Variants in ASTN1 observed in about 807,000 individuals in gnomAD.
ASTN1 encodes astrotactin 1.
In ASTN1, 41 loss-of-function variants were observed where a neutral mutation model predicts 140.7. The observed-to-expected ratio is 0.29, with a 90% CI of 0.23 to 0.38. The LOEUF (loss-of-function observed/expected upper bound fraction) is 0.38. Ranked by LOEUF, ASTN1 falls within the 10% of genes least tolerant of loss-of-function variation. The pLI is 1.00. For synonymous variants in ASTN1, 640 were observed against 652.2 expected (o/e 0.98, Z 0.29); for missense variants, 1,479 against 1,678.8 (o/e 0.88, Z 2.08).
intron 16 of ASTN1, among the ~76,000 whole-genome samples, chr1:176,904,830 G>A (rs186648144): frequency 3.3e-5 from 5 of 152,240 alleles, no homozygotes. Context: ...AGCGTGCTGA[G>A]GAAGGGGCGC....
chr1:177,040,944 A>AT (rs1325528074), intron 2 of ASTN1, among the ~76,000 whole-genome samples: 4 of 151,976 alleles, frequency 2.6e-5, no homozygotes, highest in Admixed American at 1.3e-4. Context: ...CGTTCTTGAG[A>AT]TTTTTTTCTT....
intron 1 of ASTN1, among the ~76,000 whole-genome samples, chr1:177,076,524 C>CT (rs879523656): frequency 3.5e-3 from 482 of 137,784 alleles, no homozygotes; most frequent in African/African-American, 9.1e-3. Context: ...CTTTTCTTTT[C>CT]TTTTTTTTTT....
chr1:176,877,573 G>T (rs1459062416), intron 20 of ASTN1, among the ~76,000 whole-genome samples: 1 of 152,198 alleles, frequency 6.6e-6, no homozygotes, highest in Non-Finnish European at 1.5e-5. Context: ...TTTCCCCTTG[G>T]GTGATGGAGC....
chr1:177,056,378 C>T (rs1472919172), intron 2 of ASTN1, among the ~76,000 whole-genome samples: 1 of 152,022 alleles, frequency 6.6e-6, no homozygotes, highest in Non-Finnish European at 1.5e-5. Flanking sequence ...AACAGGGAGC[C>T]TGGGGGCAGG....
Position 177,149,795 on chromosome 1 carries a change from GTATATA to G in ASTN1, c.283+14593_283+14598del, listed in dbSNP as rs1257232144. On this transcript the variant is annotated intron_variant, in intron 1 of 22. Coordinates refer to ENST00000361833, the MANE Select transcript of ASTN1 (RefSeq NM_004319.3). ...TATACATAGTAAATATATATACAGT[GTATATA>G]CATAGTAAATATATATACAGTGTAT... Among the ~76,000 whole-genome samples the G allele has an allele frequency of 4.9e-5, 5 of 102,904 alleles. 2 individuals are homozygous for G. The highest frequency in any genetic ancestry group is 9.9e-5 in the African/African-American group (2 of 20,194). The allele number at this position is 102,904 out of a possible 152,430, so 67.5% of individuals were successfully genotyped here.
At position 176,945,390 on chromosome 1, in the gene ASTN1, T is replaced by A. The variant is rs1671911364; in HGVS notation, c.2249+536A>T. Among the ~76,000 whole-genome samples the A allele has an allele frequency of 2.0e-5, 3 of 152,238 alleles. No homozygotes were observed. In the South Asian group the frequency reaches 6.2e-4, roughly 31 times the overall value. ...ATTTTATAAAACATGAGAGAAGTAA[T>A]ATTTTATATTTTTTGCAAATTTAAA... On this transcript the variant is annotated intron_variant, in intron 13 of 22. Coordinates refer to ENST00000361833, the MANE Select transcript of ASTN1 (RefSeq NM_004319.3).
chr1:177,113,915 A>T (rs1680946464), intron 1 of ASTN1, among the ~76,000 whole-genome samples: 1 of 152,208 alleles, frequency 6.6e-6, no homozygotes, highest in Non-Finnish European at 1.5e-5. Flanking sequence ...AGTAAACTTG[A>T]TATACTAGCA....
chr1:176,864,427 G>A lies in ASTN1; in HGVS notation c.3742C>T (p.Leu1248Phe). 2 of 1,614,182 alleles carry A rather than the reference G, an allele frequency of 1.2e-6. No homozygotes were observed. Among genetic ancestry groups the A allele is most frequent in the South Asian group, 2.2e-5 (2 of 91,086 alleles). Residue 1248 changes from leucine to phenylalanine, a missense_variant, in exon 23 of 23, where the codon CTC (leucine) becomes TTC (phenylalanine). Transcript: ENST00000361833. Reference sequence around the variant, plus strand: ...CTGTAGCGGCACCCCAGGTACTTGAGTGAGCTGCGCCGCAAGCTTATCTTG... The same window carrying A: ...CTGTAGCGGCACCCCAGGTACTTGAATGAGCTGCGCCGCAAGCTTATCTTG... ...EPKISLRRSS[L>F]KYLGCRYSEI...
At chr1:176,867,465 A>G (rs1668167577) in intron 22 of ASTN1, among the ~76,000 whole-genome samples, 1 of 152,090 alleles carries the variant, frequency 6.6e-6, no homozygotes, top group South Asian at 2.1e-4. Context: ...AGTGAAGACA[A>G]TATTTCTTAA....
Position 177,086,162 on chromosome 1 carries a change from C to T in ASTN1, c.284-24897G>A, listed in dbSNP as rs567594345. Among the ~76,000 whole-genome samples, 40 of 152,170 alleles carry T rather than the reference C, an allele frequency of 2.6e-4. No individual in the cohort carries two copies. In the East Asian group the frequency reaches 4.5e-3, roughly 17 times the overall value. ...TGGATGTCCTGGTCTTTTATAATAG[C>T]AGAGAAGCCCTCTCTCTCCCCACCC... is the stretch of plus-strand genomic sequence containing the variant. On this transcript the variant is annotated intron_variant, in intron 1 of 22. Transcript: ENST00000361833.
chr1:176,907,382 G>C (rs1329316224), intron 16 of ASTN1, among the ~76,000 whole-genome samples: 1 of 152,130 alleles, frequency 6.6e-6, no homozygotes, highest in Non-Finnish European at 1.5e-5. Context: ...TTGGTAAAAA[G>C]AAACAACTCC....
intron 8 of ASTN1, among the ~76,000 whole-genome samples, chr1:176,993,962 T>G (rs1325572493): frequency 6.6e-6 from 1 of 152,184 alleles, no homozygotes; most frequent in African/African-American, 2.4e-5. Flanking sequence ...CCTCACTTCC[T>G]CAATTGAGGT....
intron 1 of ASTN1, among the ~76,000 whole-genome samples, chr1:177,149,172 AATATATAGTGTATATATATAGTAAAT>A (rs1682869038): frequency 1.1e-5 from 1 of 94,098 alleles, no homozygotes; most frequent in Admixed American, 1.2e-4. Context: ...ATATATAGTA[AATATATAGTGTATATATATAGTAAAT>A]ATATATAGTG....
At chr1:177,128,693 G>T (rs1014675088) in intron 1 of ASTN1, among the ~76,000 whole-genome samples, 6 of 152,148 alleles carry the variant, frequency 3.9e-5, no homozygotes, top group African/African-American at 1.4e-4. Context: ...TTGGGTATTA[G>T]ACAAGAATCT....
chr1:176,991,318 CA>C (rs1439451516), intron 8 of ASTN1, among the ~76,000 whole-genome samples: 1 of 150,774 alleles, frequency 6.6e-6, no homozygotes, highest in Non-Finnish European at 1.5e-5. Flanking sequence ...GAGGCTGAGG[CA>C]GGAGAATCGC....
intron 1 of ASTN1, among the ~76,000 whole-genome samples, chr1:177,113,224 G>T (rs1446247551): frequency 6.6e-6 from 1 of 152,038 alleles, no homozygotes; most frequent in Non-Finnish European, 1.5e-5. Context: ...CACCACACTT[G>T]CTCCAAACCA....
chr1:177,031,218 A>G (rs1465583966), intron 3 of ASTN1, among the ~76,000 whole-genome samples: 2 of 152,184 alleles, frequency 1.3e-5, no homozygotes, highest in Non-Finnish European at 2.9e-5. Context: ...AATATTCTGT[A>G]TTGATAAGGT....
At chr1:176,875,870 A>G (rs1339430639) in intron 21 of ASTN1, among the ~76,000 whole-genome samples, 2 of 152,182 alleles carry the variant, frequency 1.3e-5, no homozygotes, top group Admixed American at 6.6e-5. Context: ...TCTGGTTATA[A>G]ATAGGGTGTA....
At chr1:177,112,092 C>A (rs1385718562) in intron 1 of ASTN1, among the ~76,000 whole-genome samples, 1 of 152,170 alleles carries the variant, frequency 6.6e-6, no homozygotes, top group Non-Finnish European at 1.5e-5. Context: ...GGCAAGTGAC[C>A]CTCCTCTATA....
Sources: gnomAD v4.1 joint callset for allele counts (sites outside exome capture counted in the v4.1 genomes callset) on GRCh38, gnomAD v4.1.1 for gene constraint, MANE v1.5 for transcripts, NCBI Gene and HGNC (gene_info 2026-07-23, HGNC 2026-07-21) for gene names.